Variants in MXRA7 observed in about 807,000 individuals in gnomAD.
The protein encoded by MXRA7 is matrix remodeling associated 7, also known as matrix-remodeling-associated protein 7.
Under a neutral mutation model 17.4 loss-of-function variants are expected in MXRA7, and 18 were observed. The observed-to-expected ratio is 1.03, with a 90% CI of 0.71 to 1.53. MXRA7 has a LOEUF of 1.53. MXRA7 is among the 40% of genes most tolerant of loss of function. The pLI is 0.00. For synonymous variants in MXRA7, 70 were observed against 101.7 expected (o/e 0.69, Z 1.87); for missense variants, 141 against 209.3 (o/e 0.67, Z 2.01).
intron 1 of MXRA7, among the ~76,000 whole-genome samples, chr17:76,705,659 G>C (rs1048947688): frequency 6.6e-6 from 1 of 152,128 alleles, no homozygotes; most frequent in African/African-American, 2.4e-5. Flanking sequence ...TGAGGGCCCT[G>C]ATAAGAAGAG....
chr17:76,704,028 G>A (rs1403643267), intron 1 of MXRA7, among the ~76,000 whole-genome samples: 1 of 147,742 alleles, frequency 6.8e-6, no homozygotes, highest in Non-Finnish European at 1.5e-5. Context: ...ACTTGAACCC[G>A]GGAGGCGGAG....
chr17:76,686,642 C>A (rs2076401498), intron 2 of MXRA7, among the ~76,000 whole-genome samples: 1 of 152,206 alleles, frequency 6.6e-6, no homozygotes, highest in Non-Finnish European at 1.5e-5. Context: ...CCAGGCAGCG[C>A]ATCCAGTTTT....
chr17:76,683,999 C>T, intron 3 of MXRA7: 1 of 1,163,980 alleles, frequency 8.6e-7, no homozygotes, highest in Non-Finnish European at 1.3e-6. Context: ...CTCGGGGCTC[C>T]TGCCAGGGCT....
chr17:76,686,939 G>A (rs1438336175), intron 2 of MXRA7, among the ~76,000 whole-genome samples: 2 of 152,028 alleles, frequency 1.3e-5, no homozygotes, highest in Non-Finnish European at 2.9e-5. Flanking sequence ...AGATAAGGGG[G>A]GAGGCTGGTG....
At chr17:76,689,595 G>A (rs2076454291) in intron 1 of MXRA7, 1 of 152,178 alleles carries the variant, frequency 6.6e-6, no homozygotes, top group Non-Finnish European at 1.5e-5. Flanking sequence ...TCTTCCGGGG[G>A]CAGGAAGAGG....
intron 2 of MXRA7, 104 bp downstream of exon 2, chr17:76,688,009 T>TACCAC: frequency 3.5e-6 from 2 of 572,786 alleles, no homozygotes; most frequent in Non-Finnish European, 3.3e-6. Flanking sequence ...TCCCACCCCA[T>TACCAC]CCCTCCCCTC....
chr17:76,688,067 C>T (rs763493167), intron 2 of MXRA7, 46 bp downstream of exon 2: 1 of 1,600,568 alleles, frequency 6.2e-7, no homozygotes, highest in Admixed American at 1.7e-5. Flanking sequence ...CACAGACCAC[C>T]CCCGACACTG....
Position 76,688,143 on chromosome 17 carries a change from G to T in MXRA7, c.376C>A (p.Pro126Thr). 4.3e-6 allele frequency: 7 copies of T among 1,614,118 alleles called. No individual in the cohort carries two copies. Among genetic ancestry groups the T allele is most frequent in the Non-Finnish European group, 5.9e-6 (7 of 1,180,012 alleles). The change falls in exon 2 of 4, where the codon CCA (proline) becomes ACA (threonine). Residue 126 changes from proline (P) to threonine (T), a missense_variant. Transcript: ENST00000449428. ...EEQDLDGEKGPSSEGPEEEDG... is the reference protein window; with the variant it reads ...EEQDLDGEKGTSSEGPEEEDG... ...TCCTCCTCAGGCCCTTCCGATGATG[G>T]CCCCTTCTCACCATCCAAGTCCTGC...
intron 1 of MXRA7, 23 bp from the exon 2 acceptor site, chr17:76,688,199 G>A (rs112099889): frequency 6.2e-7 from 1 of 1,614,028 alleles, no homozygotes. Flanking sequence ...GACAGGGTCA[G>A]TGCCCTTGGC....
chr17:76,683,863 A>C, intron 3 of MXRA7: 1 of 1,613,888 alleles, frequency 6.2e-7, no homozygotes, highest in South Asian at 1.1e-5. Flanking sequence ...GATTTGCAAG[A>C]ATATTTGTGG....
intron 3 of MXRA7, chr17:76,684,023 G>A: frequency 1.0e-6 from 1 of 974,838 alleles, no homozygotes; most frequent in South Asian, 1.3e-5. Context: ...CCTCCTGGCT[G>A]TGCTTACACT....
chr17:76,679,285 C>G (rs1057337592), downstream of MXRA7, among the ~76,000 whole-genome samples: 7 of 69,172 alleles, frequency 1.0e-4, no homozygotes, highest in African/African-American at 2.0e-4. Flanking sequence ...GAGGCCCTGT[C>G]TCAAAAAAAA....
chr17:76,704,851 G>A (rs992753885), intron 1 of MXRA7, among the ~76,000 whole-genome samples: 2 of 150,264 alleles, frequency 1.3e-5, no homozygotes, highest in African/African-American at 4.9e-5. Flanking sequence ...AGGGGCTTCT[G>A]AACCTGACCT....
intron 1 of MXRA7, among the ~76,000 whole-genome samples, chr17:76,695,002 T>TA (rs920352752): frequency 6.6e-6 from 1 of 151,442 alleles, no homozygotes; most frequent in African/African-American, 2.4e-5. Context: ...TACTAAAAAA[T>TA]AAAAAAAATT....
intron 1 of MXRA7, among the ~76,000 whole-genome samples, chr17:76,698,528 C>T (rs1178918940): frequency 6.6e-6 from 1 of 152,090 alleles, no homozygotes; most frequent in African/African-American, 2.4e-5. Context: ...ACGCAGGCTC[C>T]ACTCTCTAAA....
chr17:76,691,055 CA>C lies in MXRA7; in HGVS notation c.343-2880del, dbSNP rs1598349224. Among the ~76,000 whole-genome samples the C allele has an allele frequency of 3.3e-5, 5 of 152,240 alleles. No homozygotes were observed. In the East Asian group the frequency reaches 9.6e-4, roughly 29 times the overall value. On this transcript the variant is annotated intron_variant, in intron 1 of 3. Transcript: ENST00000449428. Reference sequence around the variant, plus strand: ...GGTAACTCCTGGGTGGGCTGATCACCAGAGAGATCAAGCTGCAATGAGGAGC... The same window carrying C: ...GGTAACTCCTGGGTGGGCTGATCACCGAGAGATCAAGCTGCAATGAGGAGC...
At chr17:76,673,452 T>G (rs1005008612) in exon 4 of MXRA7, 3 of 152,218 alleles carry the variant, frequency 2.0e-5, no homozygotes, top group Non-Finnish European at 4.4e-5. Flanking sequence ...CTGCTGTTCA[T>G]CAGCAGCCTG....
chr17:76,677,325 G>A, downstream of MXRA7: 1 of 371,854 alleles, frequency 2.7e-6, no homozygotes, highest in Non-Finnish European at 4.9e-6. Flanking sequence ...TCAGGAGAGG[G>A]CCTCAGAGCC....
intron 1 of MXRA7, among the ~76,000 whole-genome samples, chr17:76,693,702 C>T: frequency 6.6e-6 from 1 of 151,878 alleles, no homozygotes; most frequent in Non-Finnish European, 1.5e-5. Flanking sequence ...CAAAAATTAG[C>T]TGGGCATGGT....
Sources: allele counts gnomAD v4.1 joint callset (sites outside exome capture counted in the v4.1 genomes callset), GRCh38; gene constraint gnomAD v4.1.1; transcripts MANE v1.5; gene names NCBI Gene and HGNC (gene_info 2026-07-23, HGNC 2026-07-21).